Variants in KIAA1328 observed in about 807,000 individuals in gnomAD.
KIAA1328 encodes KIAA1328.
In KIAA1328, 52 loss-of-function variants were observed where a neutral mutation model predicts 68.1. The ratio of observed to expected loss-of-function variants is 0.76; its 90% CI spans 0.61 to 0.96. The LOEUF (loss-of-function observed/expected upper bound fraction) is 0.96, where lower values mean the gene tolerates loss of function less well. KIAA1328 is among the 40% of genes least tolerant of loss of function. The pLI is 0.00. For synonymous variants in KIAA1328, 232 were observed against 239.4 expected (o/e 0.97, Z 0.28); for missense variants, 641 against 677.6 (o/e 0.95, Z 0.60).
intron 7 of KIAA1328, among the ~76,000 whole-genome samples, chr18:37,117,890 AT>A (rs2058162265): frequency 2.5e-5 from 3 of 118,056 alleles, no homozygotes; most frequent in Non-Finnish European, 4.2e-5. Context: ...AAAAAAAAAT[AT>A]ATATATATAT....
chr18:36,997,516 G>A (rs1295123648), intron 6 of KIAA1328, among the ~76,000 whole-genome samples: 1 of 152,192 alleles, frequency 6.6e-6, no homozygotes, highest in Admixed American at 6.5e-5. Context: ...AACACAGGGA[G>A]CTGCCAGTAA....
At chr18:36,940,694 T>A (rs2050676353) in intron 5 of KIAA1328, among the ~76,000 whole-genome samples, 1 of 144,832 alleles carries the variant, frequency 6.9e-6, no homozygotes, top group Admixed American at 7.0e-5. Flanking sequence ...TTTTTTTTTT[T>A]GAGACGGAGT....
chr18:37,025,632 A>G (rs1361706754), intron 6 of KIAA1328, among the ~76,000 whole-genome samples: 1 of 152,238 alleles, frequency 6.6e-6, no homozygotes, highest in African/African-American at 2.4e-5. Flanking sequence ...TACTGGGTAC[A>G]TAACGAAATG....
At chr18:37,119,924 A>G (rs776499126) in intron 7 of KIAA1328, among the ~76,000 whole-genome samples, 2 of 152,254 alleles carry the variant, frequency 1.3e-5, no homozygotes, top group Middle Eastern at 3.4e-3. Context: ...TCTTAGAGAA[A>G]TGGTTTATTG....
chr18:36,996,947 A>G (rs1214966809), intron 6 of KIAA1328, among the ~76,000 whole-genome samples: 1 of 152,116 alleles, frequency 6.6e-6, no homozygotes, highest in African/African-American at 2.4e-5. Flanking sequence ...GGACGTGCGC[A>G]TTGGATTTGT....
At chr18:36,927,172 G>T (rs1016235613) in intron 5 of KIAA1328, among the ~76,000 whole-genome samples, 2 of 152,144 alleles carry the variant, frequency 1.3e-5, no homozygotes, top group African/African-American at 4.8e-5. Flanking sequence ...AACCATATCA[G>T]CATAAAAGGG....
At chr18:36,887,488 C>A (rs1318909302) in intron 5 of KIAA1328, among the ~76,000 whole-genome samples, 1 of 151,980 alleles carries the variant, frequency 6.6e-6, no homozygotes, top group Non-Finnish European at 1.5e-5. Context: ...CAATTCTAGG[C>A]ATTACATTTC....
At chr18:37,093,484 G>A (rs1271776803) in intron 7 of KIAA1328, among the ~76,000 whole-genome samples, 2 of 152,126 alleles carry the variant, frequency 1.3e-5, no homozygotes, top group African/African-American at 2.4e-5. Context: ...TCCTGGAACT[G>A]AAGAATCCAA....
intron 5 of KIAA1328, among the ~76,000 whole-genome samples, chr18:36,941,748 A>G (rs1167036215): frequency 6.6e-6 from 1 of 152,192 alleles, no homozygotes; most frequent in Non-Finnish European, 1.5e-5. Context: ...CTATTCACAA[A>G]TATAGAAGAG....
chr18:36,992,607 CTACT>C (rs1206556260), intron 6 of KIAA1328, among the ~76,000 whole-genome samples: 7 of 151,986 alleles, frequency 4.6e-5, no homozygotes, highest in African/African-American at 1.7e-4. Flanking sequence ...TGGAAAGAAG[CTACT>C]TAAGAGGAAA....
chr18:37,157,341 C>G (rs557470955), intron 7 of KIAA1328, among the ~76,000 whole-genome samples: 79 of 152,200 alleles, frequency 5.2e-4, no homozygotes, highest in African/African-American at 1.8e-3. Context: ...AAATATAAAA[C>G]TCTTCCCTCT....
chr18:36,983,494 G>A (rs1209026217), intron 6 of KIAA1328, among the ~76,000 whole-genome samples: 1 of 151,908 alleles, frequency 6.6e-6, no homozygotes, highest in Non-Finnish European at 1.5e-5. Flanking sequence ...TTAATAGAAC[G>A]AGGAAAATCT....
intron 9 of KIAA1328, among the ~76,000 whole-genome samples, chr18:37,208,051 T>C (rs323492): frequency 0.27 from 41,789 of 152,002 alleles, 9,194 homozygotes; most frequent in African/African-American, 0.62. Context: ...TTAGGTGATT[T>C]TCCTGCCTCA....
intron 5 of KIAA1328, among the ~76,000 whole-genome samples, chr18:36,931,544 A>G (rs1568179011): frequency 6.6e-6 from 1 of 152,034 alleles, no homozygotes; most frequent in Non-Finnish European, 1.5e-5. Flanking sequence ...TTGATGCCAA[A>G]AAGCTTGGGG....
At chr18:37,080,856 T>C (rs1395873289) in intron 7 of KIAA1328, among the ~76,000 whole-genome samples, 3 of 151,894 alleles carry the variant, frequency 2.0e-5, no homozygotes, top group African/African-American at 7.3e-5. Context: ...AGTTCTGCCA[T>C]TTCATGTATC....
At chr18:36,933,542 A>G (rs1006127370) in intron 5 of KIAA1328, among the ~76,000 whole-genome samples, 5 of 152,176 alleles carry the variant, frequency 3.3e-5, no homozygotes, top group Admixed American at 2.0e-4. Context: ...CACCCTTCAC[A>G]GTGTTTTGAA....
intron 9 of KIAA1328, among the ~76,000 whole-genome samples, chr18:37,188,197 G>A (rs2059839791): frequency 6.6e-6 from 1 of 152,188 alleles, no homozygotes; most frequent in Non-Finnish European, 1.5e-5. Flanking sequence ...GCTCAGAGGG[G>A]AGTCCTTAGT....
chr18:37,029,188 A>G (rs1203012228), intron 6 of KIAA1328, among the ~76,000 whole-genome samples: 2 of 142,198 alleles, frequency 1.4e-5, no homozygotes, highest in African/African-American at 2.8e-5. Context: ...TAATGATTTA[A>G]TTTTGAAACT....
chr18:36,917,731 A>G (rs999627911), intron 5 of KIAA1328, among the ~76,000 whole-genome samples: 13 of 152,082 alleles, frequency 8.5e-5, no homozygotes, highest in Admixed American at 2.6e-4. Flanking sequence ...CCTTCCTTCA[A>G]TATCCCACCT....
Sources: gnomAD v4.1 joint callset for allele counts (sites outside exome capture counted in the v4.1 genomes callset) on GRCh38, gnomAD v4.1.1 for gene constraint, MANE v1.5 for transcripts, NCBI Gene and HGNC (gene_info 2026-07-23, HGNC 2026-07-21) for gene names.